GULP1: variants seen among roughly 807,000 people sequenced by gnomAD.
The protein encoded by GULP1 is GULP PTB domain containing engulfment adaptor 1, also known as PTB domain-containing engulfment adapter protein 1.
A neutral mutation model predicts 40.9 loss-of-function variants in GULP1; 19 were observed. The ratio of observed to expected loss-of-function variants is 0.46; its 90% CI spans 0.32 to 0.68. The LOEUF is 0.68. GULP1 is among the 30% of genes least tolerant of loss of function. The pLI is 0.03. For synonymous variants in GULP1, 119 were observed against 117.6 expected (o/e 1.01, Z -0.08); for missense variants, 312 against 362.2 (o/e 0.86, Z 1.12).
intron 2 of GULP1, among the ~76,000 whole-genome samples, chr2:188,457,217 T>A (rs2059340858): frequency 1.3e-5 from 2 of 152,066 alleles, no homozygotes; most frequent in East Asian, 3.9e-4. Flanking sequence ...GCATGATTGG[T>A]TTTGAAATGT....
At chr2:188,542,987 A>G (rs1440228653) in intron 7 of GULP1, among the ~76,000 whole-genome samples, 1 of 152,136 alleles carries the variant, frequency 6.6e-6, no homozygotes, top group Non-Finnish European at 1.5e-5. Flanking sequence ...TGGCCTTCTT[A>G]TAGATTTGTG....
intron 1 of GULP1, among the ~76,000 whole-genome samples, chr2:188,362,501 G>A (rs1177801449): frequency 6.6e-6 from 1 of 152,062 alleles, no homozygotes; most frequent in African/African-American, 2.4e-5. Flanking sequence ...ACAAAACAGT[G>A]GAAGACTTGT....
chr2:188,496,021 C>G (rs1319116559), intron 4 of GULP1, among the ~76,000 whole-genome samples: 1 of 151,962 alleles, frequency 6.6e-6, no homozygotes, highest in Non-Finnish European at 1.5e-5. Context: ...CACAATCCCC[C>G]TCTCTTCCTG....
intron 2 of GULP1, among the ~76,000 whole-genome samples, chr2:188,438,359 A>G (rs1317255018): frequency 6.6e-6 from 1 of 151,464 alleles, no homozygotes; most frequent in African/African-American, 2.4e-5. Context: ...ATATATAGAT[A>G]TAGATATATC....
chr2:188,538,171 T>TC (rs1235657178), intron 6 of GULP1, among the ~76,000 whole-genome samples: 2 of 152,098 alleles, frequency 1.3e-5, no homozygotes, highest in African/African-American at 4.8e-5. Context: ...TGGATTTTTT[T>TC]CTCTCAATTT....
At chr2:188,360,012 C>G (rs2045885969) in intron 1 of GULP1, among the ~76,000 whole-genome samples, 2 of 152,054 alleles carry the variant, frequency 1.3e-5, no homozygotes, top group African/African-American at 2.4e-5. Context: ...ATTTATCAAG[C>G]CTTGCTGATT....
At chr2:188,342,279 G>A (rs965415517) in intron 1 of GULP1, among the ~76,000 whole-genome samples, 12 of 152,236 alleles carry the variant, frequency 7.9e-5, no homozygotes, top group African/African-American at 2.6e-4. Flanking sequence ...TCTGTTTCAC[G>A]AGTCTCTCCT....
chr2:188,545,831 G>A (rs1013511317), intron 7 of GULP1, among the ~76,000 whole-genome samples: 1 of 151,898 alleles, frequency 6.6e-6, no homozygotes, highest in African/African-American at 2.4e-5. Context: ...TCTACAAGAT[G>A]TTCATTGCAA....
At chr2:188,438,490 T>A (rs2057631149) in intron 2 of GULP1, among the ~76,000 whole-genome samples, 1 of 150,896 alleles carries the variant, frequency 6.6e-6, no homozygotes, top group African/African-American at 2.4e-5. Flanking sequence ...AACATAACAA[T>A]TATTAATATA....
chr2:188,532,699 T>C (rs898161575), intron 6 of GULP1, among the ~76,000 whole-genome samples: 1 of 149,382 alleles, frequency 6.7e-6, no homozygotes, highest in Admixed American at 6.7e-5. Flanking sequence ...GGGGGAATCA[T>C]GAGGTCAGCA....
chr2:188,396,099 G>A (rs2051215693), intron 2 of GULP1, among the ~76,000 whole-genome samples: 2 of 152,324 alleles, frequency 1.3e-5, no homozygotes, highest in Non-Finnish European at 2.9e-5. Flanking sequence ...GTGTCAGTTG[G>A]CCTCCAGCCA....
intron 2 of GULP1, among the ~76,000 whole-genome samples, chr2:188,421,845 C>T (rs1267125267): frequency 6.6e-6 from 1 of 152,014 alleles, no homozygotes; most frequent in African/African-American, 2.4e-5. Flanking sequence ...ATGGAAAATC[C>T]GATCTGTAAT....
chr2:188,524,579 T>C (rs1685652943), intron 5 of GULP1, among the ~76,000 whole-genome samples: 1 of 149,810 alleles, frequency 6.7e-6, no homozygotes, highest in African/African-American at 2.4e-5. Flanking sequence ...AAAACAATGC[T>C]TTTTATCTAT....
At chr2:188,524,418 T>C (rs1271637679) in intron 5 of GULP1, among the ~76,000 whole-genome samples, 2 of 152,064 alleles carry the variant, frequency 1.3e-5, no homozygotes, top group African/African-American at 4.8e-5. Flanking sequence ...AGTTTAAAAA[T>C]GCACACTTAT....
intron 2 of GULP1, among the ~76,000 whole-genome samples, chr2:188,411,505 A>T (rs1434710343): frequency 6.6e-6 from 1 of 152,128 alleles, no homozygotes; most frequent in Non-Finnish European, 1.5e-5. Context: ...GTGGCTGGGG[A>T]AATAGGCTGA....
chr2:188,586,966 G>A (rs1223257877), intron 10 of GULP1, among the ~76,000 whole-genome samples: 1 of 151,804 alleles, frequency 6.6e-6, no homozygotes, highest in Non-Finnish European at 1.5e-5. Flanking sequence ...TTCTTACATA[G>A]AATTGAATTT....
In GULP1 at chr2:188,570,180, A is replaced by G; in HGVS notation, c.609+60A>G. 5.5e-6 allele frequency: 4 copies of G among 728,174 alleles called. No individual in the cohort carries two copies. In the South Asian group the frequency reaches 6.6e-5, roughly 12 times the overall value. The allele number at this position is 728,174 out of a possible 1,614,324, so 45.1% of individuals were successfully genotyped here. A position where few individuals can be genotyped will look rare whatever the true frequency, so the allele number is the denominator to read the frequency against. On this transcript the variant is annotated intron_variant, in intron 9 of 11. Coordinates refer to ENST00000409830, the MANE Select transcript of GULP1 (RefSeq NM_016315.4). ...TATGGTGATAAAACATCTGTGTATC[A>G]CTAGTTCTGCAATATTTCATATAAT...
intron 1 of GULP1, among the ~76,000 whole-genome samples, chr2:188,370,029 A>G (rs1484403386): frequency 6.6e-6 from 1 of 152,066 alleles, no homozygotes; most frequent in East Asian, 1.9e-4. Flanking sequence ...TATTTTTTGT[A>G]GAGACAGGGT....
At chr2:188,447,932 A>T (rs112128409) in intron 2 of GULP1, among the ~76,000 whole-genome samples, 3 of 152,338 alleles carry the variant, frequency 2.0e-5, no homozygotes, top group African/African-American at 7.2e-5. Flanking sequence ...TTTTCAGGAC[A>T]AAGCATAAAT....
Sources: allele counts gnomAD v4.1 joint callset (sites outside exome capture counted in the v4.1 genomes callset), GRCh38; gene constraint gnomAD v4.1.1; transcripts MANE v1.5; gene names NCBI Gene and HGNC (gene_info 2026-07-23, HGNC 2026-07-21).